Variants in ZSWIM6 observed in about 807,000 individuals in gnomAD.
ZSWIM6 encodes zinc finger SWIM domain-containing protein 6.
ZSWIM6 carries 9 observed loss-of-function variants against 113.2 expected under a neutral mutation model. That is an observed-to-expected ratio of 0.08 (90% CI 0.05 to 0.14). The LOEUF is 0.14. Ranked by LOEUF, ZSWIM6 falls within the 10% of genes least tolerant of loss-of-function variation. The pLI, the probability that ZSWIM6 is intolerant of heterozygous loss-of-function variation, is 1.00. For synonymous variants in ZSWIM6, 611 were observed against 606.5 expected (o/e 1.01, Z -0.11); for missense variants, 1,162 against 1,552.2 (o/e 0.75, Z 4.22).
intron 11 of ZSWIM6, 129 bp downstream of exon 11, chr5:61,539,100 T>A: frequency 9.2e-7 from 1 of 1,089,226 alleles, no homozygotes; most frequent in Non-Finnish European, 1.2e-6. Flanking sequence ...TCTTTTTCTT[T>A]AGATGTTAGC....
rs138537240 is a variant in ZSWIM6 at position 61,391,495 on chromosome 5, T to C, written c.676+58547T>C. On this transcript the variant is annotated intron_variant, in intron 1 of 13. Coordinates refer to ENST00000252744, the MANE Select transcript of ZSWIM6 (RefSeq NM_020928.2). ...GCAGTACTTGGTAAAGGCCTTCTTC[T>C]TAGATTTATGCCGGTTTTTATAGAA... The C allele has an allele frequency of 1.6e-4, 205 of 1,309,108 alleles. No homozygotes were observed. The African/African-American group carries it at 2.7e-3, about 17-fold the overall frequency. The allele number at this position is 1,309,108 out of a possible 1,614,324, so 81.1% of individuals were successfully genotyped here.
chr5:61,392,491 TAAC>T (rs1397386201), intron 1 of ZSWIM6, among the ~76,000 whole-genome samples: 1 of 152,212 alleles, frequency 6.6e-6, no homozygotes, highest in Non-Finnish European at 1.5e-5. Flanking sequence ...TTGTCACTCT[TAAC>T]AGTTTGATAA....
intron 4 of ZSWIM6, among the ~76,000 whole-genome samples, chr5:61,500,182 A>G (rs1435833697): frequency 2.6e-5 from 4 of 151,414 alleles, no homozygotes; most frequent in African/African-American, 9.7e-5. Flanking sequence ...GCTGGAGTTC[A>G]GTAGTGCGAT....
At chr5:61,520,933 C>T (rs1749099618) in intron 4 of ZSWIM6, among the ~76,000 whole-genome samples, 1 of 151,954 alleles carries the variant, frequency 6.6e-6, no homozygotes, top group African/African-American at 2.4e-5. Context: ...TTACTATTGG[C>T]ATTTGTGAAA....
intron 2 of ZSWIM6, among the ~76,000 whole-genome samples, chr5:61,488,621 C>T (rs1039523404): frequency 2.0e-5 from 3 of 151,854 alleles, no homozygotes; most frequent in Non-Finnish European, 4.4e-5. Flanking sequence ...GGTCTCTGAT[C>T]GTCTTCTGTA....
intron 2 of ZSWIM6, among the ~76,000 whole-genome samples, chr5:61,484,768 T>A (rs934738768): frequency 1.3e-5 from 2 of 152,172 alleles, no homozygotes; most frequent in Non-Finnish European, 1.5e-5. Flanking sequence ...CTTAAATATT[T>A]CTTTGCTTTA....
At chr5:61,389,811 A>G (rs1745666966) in intron 1 of ZSWIM6, among the ~76,000 whole-genome samples, 1 of 152,180 alleles carries the variant, frequency 6.6e-6, no homozygotes, top group African/African-American at 2.4e-5. Context: ...TATCTTGATG[A>G]GGACATGCTG....
chr5:61,527,151 A>G (rs1044597659), intron 7 of ZSWIM6, among the ~76,000 whole-genome samples: 4 of 152,180 alleles, frequency 2.6e-5, no homozygotes, highest in Admixed American at 2.0e-4. Flanking sequence ...AGTAATTGCA[A>G]AGGGTTGAAT....
At chr5:61,355,614 G>T (rs1257414652) in intron 1 of ZSWIM6, among the ~76,000 whole-genome samples, 1 of 152,090 alleles carries the variant, frequency 6.6e-6, no homozygotes, top group Non-Finnish European at 1.5e-5. Flanking sequence ...TGTAGAAAAG[G>T]ATAGTAGATT....
Position 61,332,741 on chromosome 5 carries a change from T to TC in ZSWIM6, c.470dup (p.Ser158PhefsTer96), listed in dbSNP as rs1358777446. 1 of 930,914 alleles carries TC rather than the reference T, an allele frequency of 1.1e-6. No homozygotes were observed. Among genetic ancestry groups the TC allele is most frequent in the Non-Finnish European group, 1.3e-6 (1 of 794,938 alleles). 57.7% of individuals were successfully genotyped at this position (930,914 alleles called of 1,614,324 possible). On this transcript the variant is annotated frameshift_variant, in exon 1 of 14. Transcript: ENST00000252744. LOFTEE classifies it high-confidence loss of function. ...CGGCGGCGGCGGCGGCGGCTCCTCG[T>TC]CTTCCCCGGCCGCAACCTCGGCGGC...
Position 61,437,591 on chromosome 5 carries a change from C to T in ZSWIM6, c.677-35090C>T, listed in dbSNP as rs189951100. On this transcript the variant is annotated intron_variant, in intron 1 of 13. Coordinates refer to ENST00000252744, the MANE Select transcript of ZSWIM6 (RefSeq NM_020928.2). ...TACAAAAATTAGCTGAGCATGGTAG[C>T]GTGTGCCTTGGTCCCAGCTGCTTGA... is the stretch of plus-strand genomic sequence containing the variant. 6.6e-5 allele frequency among the ~76,000 whole-genome samples: 10 copies of T among 151,696 alleles called. No individual in the cohort carries two copies. In the East Asian group the frequency reaches 7.8e-4, roughly 12 times the overall value.
intron 1 of ZSWIM6, among the ~76,000 whole-genome samples, chr5:61,384,872 A>C (rs187722397): frequency 4.6e-5 from 7 of 152,294 alleles, no homozygotes; most frequent in South Asian, 2.1e-4. Flanking sequence ...CCTGGCTAAC[A>C]TGGTGAAATC....
chr5:61,338,826 GTT>G (rs936586861), intron 1 of ZSWIM6, among the ~76,000 whole-genome samples: 25 of 152,114 alleles, frequency 1.6e-4, no homozygotes, highest in Admixed American at 3.3e-4. Flanking sequence ...TTTGCATTGA[GTT>G]TCATCTATTT....
At chr5:61,390,599 A>G (rs1579970694) in intron 1 of ZSWIM6, 2 of 652,620 alleles carry the variant, frequency 3.1e-6, no homozygotes, top group South Asian at 1.5e-5. Flanking sequence ...TATCTCAAAA[A>G]TGGTATTTTT....
chr5:61,334,341 A>C (rs1420565150), intron 1 of ZSWIM6, among the ~76,000 whole-genome samples: 1 of 152,246 alleles, frequency 6.6e-6, no homozygotes, highest in Non-Finnish European at 1.5e-5. Flanking sequence ...TCCTGATTGC[A>C]AATGGCATAT....
chr5:61,382,647 A>G (rs532084747), intron 1 of ZSWIM6, among the ~76,000 whole-genome samples: 4 of 152,196 alleles, frequency 2.6e-5, no homozygotes, highest in Middle Eastern at 3.4e-3. Flanking sequence ...TACTAAAAAT[A>G]CAAAAAAATT....
At chr5:61,457,890 T>C (rs377714695) in intron 1 of ZSWIM6, among the ~76,000 whole-genome samples, 28 of 152,310 alleles carry the variant, frequency 1.8e-4, no homozygotes, top group African/African-American at 6.7e-4. Flanking sequence ...TTAATCTGTA[T>C]GTTATTTTAG....
At chr5:61,463,688 C>T (rs10054139) in intron 1 of ZSWIM6, among the ~76,000 whole-genome samples, 5,411 of 152,236 alleles carry the variant, frequency 0.036, 341 homozygotes, top group African/African-American at 0.12. Context: ...CTGAGCTTCC[C>T]GTTTAGCTTG....
intron 1 of ZSWIM6, among the ~76,000 whole-genome samples, chr5:61,433,568 G>GT (rs1561235578): frequency 6.6e-6 from 1 of 151,930 alleles, no homozygotes; most frequent in Non-Finnish European, 1.5e-5. Context: ...CGCCTCCTGG[G>GT]TTCAAGCAAT....
Sources: gnomAD v4.1 joint callset for allele counts (sites outside exome capture counted in the v4.1 genomes callset) on GRCh38, gnomAD v4.1.1 for gene constraint, MANE v1.5 for transcripts, NCBI Gene and HGNC (gene_info 2026-07-23, HGNC 2026-07-21) for gene names.